STXBP5L: variants seen among roughly 807,000 people sequenced by gnomAD.
STXBP5L encodes syntaxin binding protein 5L.
STXBP5L carries 65 observed loss-of-function variants against 144.5 expected under a neutral mutation model. That is an observed-to-expected ratio of 0.45 (90% CI 0.37 to 0.55). The LOEUF is 0.55. Among genes scored for constraint, STXBP5L ranks in the 20% least tolerant of loss-of-function variants. The probability of loss-of-function intolerance (pLI) is 0.00; values close to 1 mark genes in which losing one functional copy is unlikely to be tolerated. For missense variants in STXBP5L, 1,298 were observed against 1,405.5 expected (o/e 0.92, Z 1.22); for synonymous variants, 505 against 469.6 (o/e 1.08, Z -0.97).
At chr3:120,944,735 G>A (rs1576459673) in intron 2 of STXBP5L, among the ~76,000 whole-genome samples, 1 of 151,870 alleles carries the variant, frequency 6.6e-6, no homozygotes. Flanking sequence ...GAATCACAAT[G>A]TGATGGAGTT....
chr3:121,137,529 G>A lies in STXBP5L; in HGVS notation c.670-14948G>A, dbSNP rs145022200. Reference sequence around the variant, plus strand: ...TTCCTGATGAACATAGATGCAAAACGTTTAACAAAATACTCAACCAAATTC... The same window carrying A: ...TTCCTGATGAACATAGATGCAAAACATTTAACAAAATACTCAACCAAATTC... On this transcript the variant is annotated intron_variant, in intron 7 of 26. Transcript: ENST00000471454. Among the ~76,000 whole-genome samples the A allele has an allele frequency of 9.1e-4, 139 of 152,122 alleles. 1 individual carries two copies. Among genetic ancestry groups the A allele is most frequent in the African/African-American group, 3.1e-3 (130 of 41,546 alleles).
intron 7 of STXBP5L, among the ~76,000 whole-genome samples, chr3:121,125,413 G>A (rs189999856): frequency 1.8e-4 from 28 of 152,204 alleles, no homozygotes; most frequent in Non-Finnish European, 3.5e-4. Context: ...GGAGGTTGCA[G>A]TGAGCTGACA....
intron 2 of STXBP5L, among the ~76,000 whole-genome samples, chr3:120,923,379 T>A (rs1403203642): frequency 6.6e-6 from 1 of 151,922 alleles, no homozygotes; most frequent in African/African-American, 2.4e-5. Flanking sequence ...TCTATGAATG[T>A]TGGGTTGGAT....
intron 3 of STXBP5L, among the ~76,000 whole-genome samples, chr3:120,982,016 C>T (rs1350310414): frequency 6.6e-6 from 1 of 152,156 alleles, no homozygotes; most frequent in African/African-American, 2.4e-5. Context: ...GGTATTTGAG[C>T]AGGCTAATTG....
intron 9 of STXBP5L, among the ~76,000 whole-genome samples, chr3:121,174,694 A>G (rs183409450): frequency 5.9e-5 from 9 of 152,334 alleles, no homozygotes; most frequent in Middle Eastern, 6.8e-3. Context: ...CCCTGGGGCT[A>G]CAGACATAAG....
intron 5 of STXBP5L, among the ~76,000 whole-genome samples, chr3:121,055,436 A>C (rs1006173753): frequency 1.3e-5 from 2 of 152,166 alleles, no homozygotes; most frequent in African/African-American, 4.8e-5. Flanking sequence ...TACAGTCTTT[A>C]GTCTTACAAT....
At chr3:121,216,508 G>A (rs170939) in intron 10 of STXBP5L, among the ~76,000 whole-genome samples, 2 of 151,902 alleles carry the variant, frequency 1.3e-5, no homozygotes, top group African/African-American at 4.8e-5. Flanking sequence ...TTATCACCAC[G>A]GGAGTCTGCA....
intron 10 of STXBP5L, among the ~76,000 whole-genome samples, chr3:121,210,860 A>G (rs1376791081): frequency 6.6e-6 from 1 of 152,190 alleles, no homozygotes; most frequent in Non-Finnish European, 1.5e-5. Context: ...GAAGTCAAGT[A>G]GTGTGATGCC....
intron 10 of STXBP5L, among the ~76,000 whole-genome samples, chr3:121,217,095 C>T (rs2048804043): frequency 6.6e-6 from 1 of 152,180 alleles, no homozygotes; most frequent in Admixed American, 6.5e-5. Flanking sequence ...AATTTCAAAC[C>T]AGTGGATCTT....
chr3:121,241,514 AG>A (rs1479453652), intron 14 of STXBP5L, among the ~76,000 whole-genome samples: 2 of 152,034 alleles, frequency 1.3e-5, no homozygotes, highest in African/African-American at 4.8e-5. Flanking sequence ...GGGTATAATG[AG>A]GTACCCCCAA....
At chr3:121,171,112 G>T (rs766432666) in intron 9 of STXBP5L, among the ~76,000 whole-genome samples, 25 of 152,170 alleles carry the variant, frequency 1.6e-4, no homozygotes, top group Non-Finnish European at 2.9e-4. Context: ...CTCAATAGAT[G>T]CAGAAAAGGC....
At chr3:121,095,703 G>T (rs2043083055) in intron 5 of STXBP5L, among the ~76,000 whole-genome samples, 1 of 152,050 alleles carries the variant, frequency 6.6e-6, no homozygotes. Flanking sequence ...TTTTTTCAAG[G>T]TTTTTAACTT....
At chr3:121,224,394 GGACA>G (rs1339390774) in intron 11 of STXBP5L, among the ~76,000 whole-genome samples, 1 of 151,954 alleles carries the variant, frequency 6.6e-6, no homozygotes, top group Non-Finnish European at 1.5e-5. Context: ...AAAGTTACTA[GGACA>G]GACAATTTAC....
At chr3:121,334,768 A>G (rs2044446440) in intron 20 of STXBP5L, among the ~76,000 whole-genome samples, 1 of 151,952 alleles carries the variant, frequency 6.6e-6, no homozygotes, top group South Asian at 2.1e-4. Context: ...ACATCCTTTC[A>G]TGTTAAAAGC....
chr3:121,025,531 A>G (rs949126882), intron 3 of STXBP5L, among the ~76,000 whole-genome samples: 1 of 152,112 alleles, frequency 6.6e-6, no homozygotes, highest in Non-Finnish European at 1.5e-5. Context: ...TAAATTGTAC[A>G]GACTTTCCAG....
chr3:121,259,222 T>G, intron 18 of STXBP5L, 54 bp downstream of exon 18: 2 of 1,347,546 alleles, frequency 1.5e-6, no homozygotes, highest in Non-Finnish European at 9.7e-7. Context: ...ATGTTTGATT[T>G]TTTAGATGTT....
intron 3 of STXBP5L, among the ~76,000 whole-genome samples, chr3:120,977,408 T>C (rs945035195): frequency 1.3e-5 from 2 of 152,172 alleles, no homozygotes; most frequent in Non-Finnish European, 2.9e-5. Context: ...TAGATCTTCC[T>C]TCATCCCTTT....
At chr3:121,057,859 C>G (rs1170831238) in intron 5 of STXBP5L, among the ~76,000 whole-genome samples, 1 of 151,944 alleles carries the variant, frequency 6.6e-6, no homozygotes, top group East Asian at 1.9e-4. Context: ...CTCTCATTCT[C>G]TGTCTCTCAC....
At chr3:121,289,970 A>G (rs932091737) in intron 19 of STXBP5L, among the ~76,000 whole-genome samples, 4 of 152,192 alleles carry the variant, frequency 2.6e-5, no homozygotes, top group Non-Finnish European at 4.4e-5. Context: ...AAGAGCACAA[A>G]TAGACAATCT....
Sources: gnomAD v4.1 joint callset for allele counts (sites outside exome capture counted in the v4.1 genomes callset) on GRCh38, gnomAD v4.1.1 for gene constraint, MANE v1.5 for transcripts, NCBI Gene and HGNC (gene_info 2026-07-23, HGNC 2026-07-21) for gene names.